The following NDST4 variants were observed in gnomAD, a reference collection of about 807,000 sequenced individuals.
The protein encoded by NDST4 is N-deacetylase and N-sulfotransferase 4.
Under a neutral mutation model 100.8 loss-of-function variants are expected in NDST4, and 63 were observed. The observed-to-expected ratio is 0.62, with a 90% CI of 0.51 to 0.77. The LOEUF is 0.77. NDST4 is among the 30% of genes least tolerant of loss of function. NDST4 has a pLI of 0.00. For synonymous variants in NDST4, 377 were observed against 361.8 expected (o/e 1.04, Z -0.48); for missense variants, 943 against 1,018.4 (o/e 0.93, Z 1.01).
Position 115,096,636 on chromosome 4 carries a change from A to G in NDST4, c.-247+16808T>C, listed in dbSNP as rs192434648. ...CACCAGTTCTAATGCATTATCACTT[A>G]CTCACTGAAGATATTGCTTCAGTAA... On this transcript the variant is annotated intron_variant, in intron 1 of 13. Coordinates refer to ENST00000264363, the MANE Select transcript of NDST4 (RefSeq NM_022569.3). Among the ~76,000 whole-genome samples, 71 of 152,178 alleles carry G rather than the reference A, an allele frequency of 4.7e-4. 2 individuals carry two copies. The highest frequency in any genetic ancestry group is 4.2e-3 in the Admixed American group (64 of 15,272).
chr4:114,965,198 C>A (rs2126238057), intron 4 of NDST4, among the ~76,000 whole-genome samples: 1 of 152,098 alleles, frequency 6.6e-6, no homozygotes, highest in Non-Finnish European at 1.5e-5. Flanking sequence ...TGGCATAATA[C>A]AAGGCTGTAA....
intron 1 of NDST4, among the ~76,000 whole-genome samples, chr4:115,083,852 C>G (rs573741358): frequency 6.6e-6 from 1 of 152,058 alleles, no homozygotes; most frequent in Non-Finnish European, 1.5e-5. Flanking sequence ...TGAGGAACTG[C>G]GAGTCAATTA....
At chr4:114,988,816 A>G (rs1318832730) in intron 2 of NDST4, among the ~76,000 whole-genome samples, 3 of 152,210 alleles carry the variant, frequency 2.0e-5, no homozygotes, top group African/African-American at 7.2e-5. Context: ...TAGGATAAAT[A>G]TAACTAATTT....
intron 4 of NDST4, among the ~76,000 whole-genome samples, chr4:114,946,848 T>C (rs1244511800): frequency 6.6e-6 from 1 of 152,226 alleles, no homozygotes; most frequent in Non-Finnish European, 1.5e-5. Flanking sequence ...ATGATTACTT[T>C]TTTTTCTGTA....
At chr4:115,009,142 T>A (rs1727486374) in intron 2 of NDST4, among the ~76,000 whole-genome samples, 1 of 126,772 alleles carries the variant, frequency 7.9e-6, no homozygotes, top group Non-Finnish European at 1.7e-5. Flanking sequence ...GCCATCCCCA[T>A]CAAGCTACCA....
intron 1 of NDST4, among the ~76,000 whole-genome samples, chr4:115,097,687 T>A (rs543162774): frequency 6.6e-6 from 1 of 152,296 alleles, no homozygotes; most frequent in East Asian, 1.9e-4. Flanking sequence ...GGTCCTCATT[T>A]TACAATGTAA....
At chr4:115,050,905 T>G (rs968622906) in intron 2 of NDST4, among the ~76,000 whole-genome samples, 1 of 152,128 alleles carries the variant, frequency 6.6e-6, no homozygotes, top group African/African-American at 2.4e-5. Flanking sequence ...ATTATGGGTT[T>G]GTAGTGCAGA....
intron 2 of NDST4, among the ~76,000 whole-genome samples, chr4:115,057,561 T>C (rs1728722260): frequency 6.6e-6 from 1 of 152,174 alleles, no homozygotes; most frequent in Admixed American, 6.6e-5. Context: ...TATATTTCTG[T>C]ATTATTTCTA....
chr4:114,957,844 A>T (rs1467871105), intron 4 of NDST4, among the ~76,000 whole-genome samples: 2 of 152,188 alleles, frequency 1.3e-5, no homozygotes, highest in Non-Finnish European at 2.9e-5. Flanking sequence ...TAGCTCCAAA[A>T]TGATCTCCTT....
chr4:114,940,725 G>T (rs1725731229), intron 4 of NDST4, among the ~76,000 whole-genome samples: 1 of 152,190 alleles, frequency 6.6e-6, no homozygotes, highest in Non-Finnish European at 1.5e-5. Flanking sequence ...GGAAGAGTCA[G>T]GTCCTATGAA....
At chr4:114,970,807 T>C (rs2126241016) in intron 3 of NDST4, among the ~76,000 whole-genome samples, 1 of 152,272 alleles carries the variant, frequency 6.6e-6, no homozygotes, top group African/African-American at 2.4e-5. Context: ...GGTCAGACAG[T>C]TGTTTAATTT....
intron 10 of NDST4, among the ~76,000 whole-genome samples, chr4:114,844,830 T>C (rs1361988425): frequency 3.3e-5 from 5 of 152,320 alleles, no homozygotes; most frequent in East Asian, 3.9e-4. Flanking sequence ...TCCTAAACAT[T>C]TGTCCATCCT....
At chr4:115,100,643 C>T (rs879293488) in intron 1 of NDST4, among the ~76,000 whole-genome samples, 26 of 152,132 alleles carry the variant, frequency 1.7e-4, no homozygotes, top group Non-Finnish European at 2.9e-4. Flanking sequence ...ATGTTCTTCA[C>T]GTATATTTCC....
chr4:114,877,781 C>T (rs1724286779), intron 6 of NDST4, among the ~76,000 whole-genome samples: 1 of 152,014 alleles, frequency 6.6e-6, no homozygotes, highest in African/African-American at 2.4e-5. Flanking sequence ...AACCCCATCT[C>T]TACTACAAAT....
intron 6 of NDST4, among the ~76,000 whole-genome samples, chr4:114,907,914 A>C (rs1313779504): frequency 6.6e-6 from 1 of 152,180 alleles, no homozygotes; most frequent in Non-Finnish European, 1.5e-5. Flanking sequence ...GACTAACTAG[A>C]GTCAGATTGT....
chr4:114,945,575 A>G (rs7680862), intron 4 of NDST4, among the ~76,000 whole-genome samples: 35,897 of 152,182 alleles, frequency 0.24, 4,983 homozygotes, highest in Non-Finnish European at 0.33. Flanking sequence ...AAGAGAAAAC[A>G]ATAAAATAAT....
chr4:115,021,096 A>G (rs1727801875), intron 2 of NDST4, among the ~76,000 whole-genome samples: 1 of 152,098 alleles, frequency 6.6e-6, no homozygotes, highest in African/African-American at 2.4e-5. Context: ...TTATACAAAA[A>G]AAGATATTGC....
intron 6 of NDST4, among the ~76,000 whole-genome samples, chr4:114,932,061 A>G (rs989493056): frequency 6.6e-6 from 1 of 151,908 alleles, no homozygotes; most frequent in Admixed American, 6.6e-5. Flanking sequence ...TTACAGGGTA[A>G]TATTTCTGAC....
intron 6 of NDST4, among the ~76,000 whole-genome samples, chr4:114,891,407 A>G (rs1204882458): frequency 6.6e-6 from 1 of 152,000 alleles, no homozygotes; most frequent in Non-Finnish European, 1.5e-5. Context: ...ATCATTTCAC[A>G]TTCTTCTCAA....
Sources: allele counts gnomAD v4.1 joint callset (sites outside exome capture counted in the v4.1 genomes callset), GRCh38; gene constraint gnomAD v4.1.1; transcripts MANE v1.5; gene names NCBI Gene and HGNC (gene_info 2026-07-23, HGNC 2026-07-21).